DLGAP2: variants seen among roughly 807,000 people sequenced by gnomAD.
DLGAP2 encodes disks large-associated protein 2.
DLGAP2 carries 26 observed loss-of-function variants against 100.3 expected under a neutral mutation model. The observed-to-expected ratio is 0.26, with a 90% CI of 0.19 to 0.36. The LOEUF is 0.36. Among genes scored for constraint, DLGAP2 ranks in the 10% least tolerant of loss-of-function variants. The probability of loss-of-function intolerance (pLI) is 1.00; values close to 1 mark genes in which losing one functional copy is unlikely to be tolerated. For missense variants in DLGAP2, 1,858 were observed against 1,453.2 expected, an observed-to-expected ratio of 1.28 and a Z score of -4.53; for synonymous variants, 886 against 630.1, an observed-to-expected ratio of 1.41 and a Z score of -6.08.
At chr8:1,194,501 G>A (rs115448038) in intron 2 of DLGAP2, among the ~76,000 whole-genome samples, 16 of 152,220 alleles carry the variant, frequency 1.1e-4, no homozygotes, top group African/African-American at 3.6e-4. Flanking sequence ...GTCATCCCCA[G>A]GGGTCCCTCT....
At chr8:1,037,569 A>C (rs940763122) in intron 2 of DLGAP2, among the ~76,000 whole-genome samples, 1 of 152,230 alleles carries the variant, frequency 6.6e-6, no homozygotes, top group Non-Finnish European at 1.5e-5. Flanking sequence ...CATCACCTGC[A>C]CTTTATCCTC....
intron 3 of DLGAP2, among the ~76,000 whole-genome samples, chr8:1,422,559 A>G (rs897242157): frequency 1.6e-5 from 2 of 124,022 alleles, no homozygotes; most frequent in African/African-American, 5.8e-5. Context: ...TTTCTTTGAC[A>G]TTAAAAAAAA....
chr8:1,448,988 G>C (rs1176278130), intron 3 of DLGAP2, among the ~76,000 whole-genome samples: 1 of 152,236 alleles, frequency 6.6e-6, no homozygotes, highest in Non-Finnish European at 1.5e-5. Flanking sequence ...TGGTTTAAAA[G>C]CTGACGCATG....
At chr8:1,028,063 G>A (rs1359783781) in intron 2 of DLGAP2, among the ~76,000 whole-genome samples, 1 of 135,738 alleles carries the variant, frequency 7.4e-6, no homozygotes, top group African/African-American at 2.8e-5. Flanking sequence ...TATTCTCCAG[G>A]TGGGGTGCCA....
At chr8:1,501,490 G>A (rs139927509) in intron 4 of DLGAP2, 59 bp downstream of exon 4, 18,480 of 1,493,930 alleles carry the variant, frequency 0.012, 135 homozygotes, top group Middle Eastern at 0.02. Flanking sequence ...GGCATGCTCC[G>A]GGCACCTCCC....
At chr8:1,535,219 G>A (rs549231203) in intron 4 of DLGAP2, among the ~76,000 whole-genome samples, 3 of 152,342 alleles carry the variant, frequency 2.0e-5, no homozygotes, top group South Asian at 2.1e-4. Context: ...GGGCTGGGCT[G>A]TAGCCCTGGT....
intron 2 of DLGAP2, among the ~76,000 whole-genome samples, chr8:1,030,757 A>T (rs1801948691): frequency 6.6e-6 from 1 of 152,186 alleles, no homozygotes; most frequent in Non-Finnish European, 1.5e-5. Context: ...TGCTTCCTAG[A>T]GACCCAGGTT....
At chr8:1,316,099 G>C (rs557200475) in intron 3 of DLGAP2, among the ~76,000 whole-genome samples, 2 of 132,620 alleles carry the variant, frequency 1.5e-5, no homozygotes, top group Admixed American at 7.8e-5. Flanking sequence ...GTCTACACTC[G>C]AGACACTCGG....
chr8:1,390,021 A>T (rs1199112004), intron 3 of DLGAP2, among the ~76,000 whole-genome samples: 1 of 152,152 alleles, frequency 6.6e-6, no homozygotes, highest in Non-Finnish European at 1.5e-5. Flanking sequence ...GTCTGGATGG[A>T]TGTTGCCTGG....
intron 2 of DLGAP2, among the ~76,000 whole-genome samples, chr8:1,179,877 A>C (rs184594261): frequency 2.0e-3 from 305 of 152,360 alleles, no homozygotes; most frequent in Non-Finnish European, 3.5e-3. Context: ...ACAGTAGCTA[A>C]AGTGTACAAA....
intron 2 of DLGAP2, among the ~76,000 whole-genome samples, chr8:1,111,965 C>G (rs1461016020): frequency 6.6e-6 from 1 of 152,082 alleles, no homozygotes; most frequent in Non-Finnish European, 1.5e-5. Context: ...GCTTGTAACT[C>G]TTTGAGGAAT....
At chr8:1,061,834 A>G (rs1295474097) in intron 2 of DLGAP2, among the ~76,000 whole-genome samples, 2 of 151,820 alleles carry the variant, frequency 1.3e-5, no homozygotes, top group Non-Finnish European at 2.9e-5. Flanking sequence ...ACCAGGGAGC[A>G]CGAGACGTCG....
intron 2 of DLGAP2, among the ~76,000 whole-genome samples, chr8:912,904 G>T (rs954313825): frequency 3.3e-5 from 5 of 152,224 alleles, no homozygotes; most frequent in Non-Finnish European, 7.3e-5. Flanking sequence ...CCGCACTGTG[G>T]TGCCCGCCTT....
intron 1 of DLGAP2, among the ~76,000 whole-genome samples, chr8:873,788 T>C (rs1797641832): frequency 6.6e-6 from 1 of 152,196 alleles, no homozygotes; most frequent in South Asian, 2.1e-4. Context: ...AAAGTTTGTT[T>C]TGTGGCTTAG....
intron 2 of DLGAP2, among the ~76,000 whole-genome samples, chr8:1,184,956 C>T (rs776033178): frequency 2.0e-5 from 3 of 152,144 alleles, no homozygotes; most frequent in Non-Finnish European, 4.4e-5. Context: ...AGATTTCAGA[C>T]CCAGGTTTGC....
chr8:1,482,447 G>C (rs1340278722), intron 3 of DLGAP2, among the ~76,000 whole-genome samples: 2 of 152,230 alleles, frequency 1.3e-5, no homozygotes, highest in Non-Finnish European at 2.9e-5. Context: ...TTTAAAGAAT[G>C]TATTAAAAAT....
intron 12 of DLGAP2, among the ~76,000 whole-genome samples, chr8:1,683,616 G>A (rs931678065): frequency 6.7e-6 from 1 of 149,750 alleles, no homozygotes; most frequent in African/African-American, 2.5e-5. Context: ...CAGAGTGCCA[G>A]ACAATAGGAA....
intron 10 of DLGAP2, among the ~76,000 whole-genome samples, chr8:1,675,213 G>A (rs778847670): frequency 1.3e-5 from 2 of 152,206 alleles, no homozygotes; most frequent in Admixed American, 6.5e-5. Context: ...CCACGGCGGC[G>A]GCCGAGAGCT....
At chr8:1,285,875 C>G (rs1255960021) in intron 3 of DLGAP2, among the ~76,000 whole-genome samples, 2 of 152,214 alleles carry the variant, frequency 1.3e-5, no homozygotes, top group Non-Finnish European at 2.9e-5. Context: ...CAAGGATTAC[C>G]TGAGCCCAGA....
Sources: gnomAD v4.1 joint callset for allele counts (sites outside exome capture counted in the v4.1 genomes callset) on GRCh38, gnomAD v4.1.1 for gene constraint, MANE v1.5 for transcripts, NCBI Gene and HGNC (gene_info 2026-07-23, HGNC 2026-07-21) for gene names.